The following KMT2C variants were observed in gnomAD, a reference collection of about 807,000 sequenced individuals.
The protein encoded by KMT2C is lysine methyltransferase 2C.
In KMT2C, 88 loss-of-function variants were observed where a neutral mutation model predicts 507.9. The ratio of observed to expected loss-of-function variants is 0.17; its 90% CI spans 0.15 to 0.21. The LOEUF (loss-of-function observed/expected upper bound fraction) is 0.21. Among genes scored for constraint, KMT2C ranks in the 10% least tolerant of loss-of-function variants. The pLI is 1.00. For missense variants in KMT2C, 4,954 were observed against 5,957.8 expected (o/e 0.83, Z 5.55); for synonymous variants, 2,049 against 2,080.8 (o/e 0.98, Z 0.42).
At chr7:152,359,411 A>G (rs1254414431) in intron 1 of KMT2C, among the ~76,000 whole-genome samples, 1 of 152,214 alleles carries the variant, frequency 6.6e-6, no homozygotes, top group East Asian at 1.9e-4. Flanking sequence ...AAAAACTTGG[A>G]AACTGACAAA....
At chr7:152,371,535 ATAAT>A (rs1397301178) in intron 1 of KMT2C, among the ~76,000 whole-genome samples, 4 of 152,236 alleles carry the variant, frequency 2.6e-5, no homozygotes, top group Non-Finnish European at 5.9e-5. Context: ...TTGCCTATCA[ATAAT>A]TATTTTAAAT....
At chr7:152,188,402 T>G (rs1370067094) in intron 31 of KMT2C, among the ~76,000 whole-genome samples, 1 of 152,134 alleles carries the variant, frequency 6.6e-6, no homozygotes. Flanking sequence ...AGATAATGTA[T>G]GTACAGCTCT....
At chr7:152,377,677 C>A (rs376076251) in intron 1 of KMT2C, among the ~76,000 whole-genome samples, 3 of 144,690 alleles carry the variant, frequency 2.1e-5, no homozygotes, top group Non-Finnish European at 4.5e-5. Flanking sequence ...AGAGGTTGCA[C>A]TAAACCAAGA....
rs2129114573 is a variant in KMT2C at position 152,177,302 on chromosome 7, A to G, written c.8151T>C (p.Leu2717=). The G allele has an allele frequency of 1.2e-6, 2 of 1,614,048 alleles. No homozygotes were observed. The highest frequency in any genetic ancestry group is 8.5e-7 in the Non-Finnish European group (1 of 1,180,034). Residue 2717 remains leucine, a synonymous_variant, in exon 38 of 59, where the codon CTT becomes CTC. Coordinates refer to ENST00000262189, the MANE Select transcript of KMT2C (RefSeq NM_170606.3). ...CCTCTGTATCTAAATTTAAGTTTTC[A>G]AGATCTTCATCATCTAAGTCTTTGA... ...VEVKDLDDED[L]ENLNLDTEDG...
Position 152,191,816 on chromosome 7 carries a change from C to T in KMT2C, c.4660+2193G>A, listed in dbSNP as rs570417694. ...TTGCCATTCTTGAATAACTATGTGT[C>T]GCCCTATATGTAACTTGATCATGCT... On this transcript the variant is annotated intron_variant, in intron 31 of 58. Transcript: ENST00000262189. Among the ~76,000 whole-genome samples, 29 of 152,280 alleles carry T rather than the reference C, an allele frequency of 1.9e-4. No individual in the cohort carries two copies. In the Middle Eastern group the frequency reaches 0.01, roughly 54 times the overall value.
chr7:152,207,640 C>T (rs1334081302), intron 23 of KMT2C, among the ~76,000 whole-genome samples: 1 of 152,054 alleles, frequency 6.6e-6, no homozygotes, highest in Non-Finnish European at 1.5e-5. Context: ...AAAACATAAT[C>T]AGAGAAGGGG....
chr7:152,323,863 G>C (rs528792571), intron 3 of KMT2C, among the ~76,000 whole-genome samples: 8 of 151,050 alleles, frequency 5.3e-5, no homozygotes, highest in Non-Finnish European at 1.2e-4. Flanking sequence ...AGAAGCGGGA[G>C]GGACCTGTCA....
chr7:152,278,874 G>A (rs867181559), intron 6 of KMT2C, among the ~76,000 whole-genome samples: 1,068 of 130,850 alleles, frequency 8.2e-3, no homozygotes, highest in African/African-American at 0.023. Flanking sequence ...AACATGCATA[G>A]ATTAGACTTT....
At chr7:152,300,414 A>G (rs1043251180) in intron 6 of KMT2C, among the ~76,000 whole-genome samples, 2 of 152,230 alleles carry the variant, frequency 1.3e-5, no homozygotes, top group Non-Finnish European at 2.9e-5. Flanking sequence ...CATGCTAGGC[A>G]GAGAGTACAC....
At chr7:152,282,324 GA>G (rs2096232159) in intron 6 of KMT2C, among the ~76,000 whole-genome samples, 1 of 149,872 alleles carries the variant, frequency 6.7e-6, no homozygotes, top group African/African-American at 2.4e-5. Flanking sequence ...AGAAAGAAAA[GA>G]AAGTAGCCAC....
chr7:152,350,763 T>C (rs1245671695), intron 2 of KMT2C, among the ~76,000 whole-genome samples: 2 of 152,226 alleles, frequency 1.3e-5, no homozygotes, highest in Admixed American at 1.3e-4. Flanking sequence ...CACCAAATTT[T>C]TAAAATATTA....
chr7:152,182,915 C>A, intron 35 of KMT2C, 59 bp downstream of exon 35: 2 of 1,213,194 alleles, frequency 1.6e-6, no homozygotes, highest in Non-Finnish European at 2.3e-6. Flanking sequence ...AATGCAAAGA[C>A]CTCCCTTCTC....
Position 152,177,572 on chromosome 7 carries a change from T to C in KMT2C, c.7881A>G (p.Gln2627=), listed in dbSNP as rs143147669. 216 of 1,614,210 alleles carry C rather than the reference T, an allele frequency of 1.3e-4. 1 individual carries two copies. Among genetic ancestry groups the C allele is most frequent in the African/African-American group, 1.2e-3 (88 of 75,056 alleles). The stretch of plus-strand genomic sequence containing the variant: ...CTTGCTCTTGTTGAGATGGTGGCAC[T>C]TGTTCCAAATCTGGGTGCACAGGTA... ...NQLPVHPDLE[Q]VPPSQQEQGH... Residue 2627 remains glutamine, a synonymous_variant, in exon 38 of 59, where the codon CAA becomes CAG. Coordinates refer to ENST00000262189, the MANE Select transcript of KMT2C (RefSeq NM_170606.3).
At chr7:152,141,985 G>A (rs868117829) in intron 55 of KMT2C, among the ~76,000 whole-genome samples, 2 of 152,290 alleles carry the variant, frequency 1.3e-5, no homozygotes, top group Admixed American at 1.3e-4. Context: ...TTGTGCCACC[G>A]CACTCCAGCC....
Position 152,158,946 on chromosome 7 carries a change from GTGC to G in KMT2C, c.11584_11586del (p.Ala3862del). ...TCCTTTTTCCTTTTCTTTGAGCGAG[GTGC>G]TGCTTTCTCACCCGTCCTCTGAGTC... is the stretch of plus-strand genomic sequence containing the variant. On this transcript the variant is annotated inframe_deletion, in exon 44 of 59. Transcript: ENST00000262189. 6.2e-7 allele frequency: 1 copy of G among 1,614,150 alleles called. No homozygotes were observed. The highest frequency in any genetic ancestry group is 8.5e-7 in the Non-Finnish European group (1 of 1,180,028).
chr7:152,434,743 T>C (rs1281390485), intron 1 of KMT2C, among the ~76,000 whole-genome samples: 1 of 152,178 alleles, frequency 6.6e-6, no homozygotes, highest in Non-Finnish European at 1.5e-5. Context: ...ATAACCGTTC[T>C]GTAAGAAGAC....
chr7:152,369,389 CT>C (rs956141541), intron 1 of KMT2C, among the ~76,000 whole-genome samples: 11 of 151,338 alleles, frequency 7.3e-5, no homozygotes, highest in African/African-American at 2.7e-4. Context: ...TCTACCACAA[CT>C]TTTTAAAAAC....
At chr7:152,266,253 CT>C (rs377277317) in intron 7 of KMT2C, among the ~76,000 whole-genome samples, 6 of 146,836 alleles carry the variant, frequency 4.1e-5, no homozygotes, top group African/African-American at 1.0e-4. Context: ...TTTTTTTTTC[CT>C]TTTTTTTTGA....
intron 48 of KMT2C, 33 bp from the exon 49 acceptor site, chr7:152,152,987 C>T (rs2129097818): frequency 6.2e-7 from 1 of 1,608,036 alleles, no homozygotes; most frequent in Non-Finnish European, 8.5e-7. Context: ...TATTATTCAC[C>T]CAGAAGGCAA....
Sources: gnomAD v4.1 joint callset for allele counts (sites outside exome capture counted in the v4.1 genomes callset) on GRCh38, gnomAD v4.1.1 for gene constraint, MANE v1.5 for transcripts, NCBI Gene and HGNC (gene_info 2026-07-23, HGNC 2026-07-21) for gene names.